The following MFAP3L variants were observed in gnomAD, a reference collection of about 807,000 sequenced individuals.
MFAP3L encodes the protein microfibrillar-associated protein 3-like.
Under a neutral mutation model 20.0 loss-of-function variants are expected in MFAP3L, and 5 were observed. The ratio of observed to expected loss-of-function variants is 0.25; its 90% CI spans 0.13 to 0.53. The LOEUF (loss-of-function observed/expected upper bound fraction) is 0.53, where lower values mean the gene tolerates loss of function less well. MFAP3L is among the 20% of genes least tolerant of loss of function. MFAP3L has a pLI of 0.96. For synonymous variants in MFAP3L, 219 were observed against 213.0 expected, an observed-to-expected ratio of 1.03 and a Z score of -0.25; for missense variants, 409 against 527.5, an observed-to-expected ratio of 0.78 and a Z score of 2.20.
In MFAP3L at chr4:169,990,058, T is replaced by C. The variant is rs1264767385; in HGVS notation, c.*1320A>G. 1 of 152,254 alleles carries C rather than the reference T, an allele frequency of 6.6e-6. No individual in the cohort carries two copies. The highest frequency in any genetic ancestry group is 2.4e-5 in the African/African-American group (1 of 41,458). 9.4% of individuals were successfully genotyped at this position (152,254 alleles called of 1,614,324 possible). A position where few individuals can be genotyped will look rare whatever the true frequency, so the allele number is the denominator to read the frequency against. ...TGTGACAGTGATACCATTTCAACAG[T>C]GCTCAGAGCTCATGTCATCTGCCCC... On this transcript the variant is annotated 3_prime_UTR_variant, in exon 3 of 3. Transcript: ENST00000361618.
intron 2 of MFAP3L, among the ~76,000 whole-genome samples, chr4:170,000,963 C>T (rs1738574862): frequency 6.6e-6 from 1 of 152,062 alleles, no homozygotes; most frequent in Admixed American, 6.5e-5. Flanking sequence ...GCTCAAGTGA[C>T]CCTCCCATCT....
At chr4:169,994,411 A>G in intron 2 of MFAP3L, 1 of 985,090 alleles carries the variant, frequency 1.0e-6, no homozygotes, top group Non-Finnish European at 1.2e-6. Context: ...TGGTAATACC[A>G]ACAGCTTTTT....
chr4:170,001,900 A>G (rs1393211373), intron 2 of MFAP3L: 23 of 979,972 alleles, frequency 2.3e-5, no homozygotes, highest in African/African-American at 3.5e-5. Context: ...GCTCCTGCCA[A>G]TGACAGGAAA....
At chr4:169,996,295 A>G (rs562987526) in intron 2 of MFAP3L, among the ~76,000 whole-genome samples, 4 of 139,332 alleles carry the variant, frequency 2.9e-5, no homozygotes, top group African/African-American at 1.4e-4. Flanking sequence ...TGACATTTGT[A>G]GAAGGGCAGT....
chr4:170,017,007 C>G (rs966578738), intron 1 of MFAP3L, among the ~76,000 whole-genome samples: 3 of 152,170 alleles, frequency 2.0e-5, no homozygotes, highest in African/African-American at 7.2e-5. Flanking sequence ...ATTTATATTT[C>G]AAAATGTCGC....
chr4:170,012,479 G>A (rs1463728727), intron 1 of MFAP3L, among the ~76,000 whole-genome samples: 2 of 152,160 alleles, frequency 1.3e-5, no homozygotes, highest in Admixed American at 6.5e-5. Context: ...TCTTGGATGA[G>A]GGCCTGTCTG....
intron 1 of MFAP3L, among the ~76,000 whole-genome samples, chr4:170,012,772 T>C: frequency 6.6e-6 from 1 of 152,186 alleles, no homozygotes; most frequent in East Asian, 1.9e-4. Flanking sequence ...CACTTATTAA[T>C]TGTGTAGTGT....
In MFAP3L at chr4:170,017,989, C is replaced by G. The variant is rs143491448; in HGVS notation, c.-134+8245G>C. Among the ~76,000 whole-genome samples, 950 of 152,266 alleles carry G rather than the reference C, an allele frequency of 6.2e-3. 9 individuals carry two copies. Among genetic ancestry groups the G allele is most frequent in the African/African-American group, 0.022 (903 of 41,546 alleles). On this transcript the variant is annotated intron_variant, in intron 1 of 2. Transcript: ENST00000361618. ...AATAAACTGAAAGTACTTATGAGGC[C>G]ACTATTATCCACTTAGTACCAATTA... is the stretch of plus-strand genomic sequence containing the variant.
chr4:170,016,956 T>C lies in MFAP3L; in HGVS notation c.-134+9278A>G, dbSNP rs150605319. On this transcript the variant is annotated intron_variant, in intron 1 of 2. Transcript: ENST00000361618. ...ACGAGGCGGAGATGCCAGAAATGTA[T>C]GCTCTTGTTATTGTTGAAGTGAAAA... is the stretch of plus-strand genomic sequence containing the variant. Among the ~76,000 whole-genome samples, 327 of 152,282 alleles carry C rather than the reference T, an allele frequency of 2.1e-3. 2 individuals carry two copies. Among genetic ancestry groups the C allele is most frequent in the African/African-American group, 7.6e-3 (317 of 41,562 alleles).
Position 169,991,847 on chromosome 4 carries a change from A to G in MFAP3L, c.761T>C (p.Met254Thr). Residue 254 changes from methionine to threonine, a missense_variant, in exon 3 of 3, where the codon ATG becomes ACG. Physicochemically the swap from Met to Thr is moderately conservative, Grantham distance 81. Around this residue, in one of 3 missense-constraint regions of MFAP3L, gnomAD observed 127 missense variants for 218.1 expected, o/e 0.58. Coordinates refer to ENST00000361618, the MANE Select transcript of MFAP3L (RefSeq NM_021647.8). This position sits in a 1 kb window ranked among gnomAD's most constrained non-coding sequence, Gnocchi z 4.9. ...PPLIMNCRTIMEEIMEVVGLE... is the reference protein window; with the variant it reads ...PPLIMNCRTITEEIMEVVGLE... ...CCCAACCACCTCCATAATCTCCTCCATGATAGTCCTGCAGTTCATAATGAG... is the reference window on the plus strand; with the variant it reads ...CCCAACCACCTCCATAATCTCCTCCGTGATAGTCCTGCAGTTCATAATGAG... The G allele has an allele frequency of 1.2e-6, 2 of 1,614,018 alleles. No individual in the cohort carries two copies. The highest frequency in any genetic ancestry group is 1.7e-6 in the Non-Finnish European group (2 of 1,180,012).
intron 2 of MFAP3L, among the ~76,000 whole-genome samples, chr4:169,995,724 G>A (rs56211561): frequency 9.9e-5 from 15 of 152,268 alleles, no homozygotes; most frequent in South Asian, 2.1e-4. Flanking sequence ...CTTTACACGC[G>A]AAGTGGGGAT....
chr4:170,010,151 A>G (rs1739286260), intron 1 of MFAP3L, among the ~76,000 whole-genome samples: 1 of 152,254 alleles, frequency 6.6e-6, no homozygotes, highest in Non-Finnish European at 1.5e-5. Flanking sequence ...ACTCATTAAG[A>G]CATGAATACT....
intron 1 of MFAP3L, among the ~76,000 whole-genome samples, chr4:170,025,491 C>T (rs549868285): frequency 6.6e-6 from 1 of 152,324 alleles, no homozygotes; most frequent in East Asian, 1.9e-4. Context: ...AGATAATACA[C>T]CTACAAACCT....
At position 169,989,452 on chromosome 4, in the gene MFAP3L, T is replaced by A. The variant is rs1737503404; in HGVS notation, c.*1926A>T. ...TTGTAAAGTTTGGATGGCAAAAGTA[T>A]CCAATTTCATGGACCCATTTTTTGC... On this transcript the variant is annotated 3_prime_UTR_variant, in exon 3 of 3. Transcript: ENST00000361618. The A allele has an allele frequency of 6.6e-6, 1 of 152,212 alleles. No individual in the cohort carries two copies. Among genetic ancestry groups the A allele is most frequent in the African/African-American group, 2.4e-5 (1 of 41,450 alleles). The allele number at this position is 152,212 out of a possible 1,614,324, so 9.4% of individuals were successfully genotyped here. A position where few individuals can be genotyped will look rare whatever the true frequency, so the allele number is the denominator to read the frequency against.
chr4:170,019,514 A>T (rs1380965840), intron 1 of MFAP3L, among the ~76,000 whole-genome samples: 2 of 152,346 alleles, frequency 1.3e-5, no homozygotes, highest in African/African-American at 4.8e-5. Context: ...ACTGTACTCC[A>T]GCCTGGGCAA....
At chr4:170,017,699 T>C (rs1347498563) in intron 1 of MFAP3L, among the ~76,000 whole-genome samples, 2 of 152,236 alleles carry the variant, frequency 1.3e-5, no homozygotes, top group Admixed American at 6.5e-5. Flanking sequence ...CTTAATAATC[T>C]TCCTGACTTT....
At chr4:170,013,872 G>C (rs910873286) in intron 1 of MFAP3L, among the ~76,000 whole-genome samples, 2 of 152,146 alleles carry the variant, frequency 1.3e-5, no homozygotes, top group African/African-American at 4.8e-5. Flanking sequence ...CGTATTAATT[G>C]GGTCATTCTT....
chr4:169,988,832 C>G lies in MFAP3L; in HGVS notation c.*2546G>C, dbSNP rs1737459232. ...TGAAAATCTACATAAGCTCTCCCCA[C>G]TGCAGTCTAAAGCAGCAAAACCAAT... On this transcript the variant is annotated 3_prime_UTR_variant, in exon 3 of 3. Coordinates refer to ENST00000361618, the MANE Select transcript of MFAP3L (RefSeq NM_021647.8). 6.6e-6 allele frequency: 1 copy of G among 152,204 alleles called. No homozygotes were observed. Among genetic ancestry groups the G allele is most frequent in the Non-Finnish European group, 1.5e-5 (1 of 68,022 alleles). 9.4% of individuals were successfully genotyped at this position (152,204 alleles called of 1,614,324 possible). A position where few individuals can be genotyped will look rare whatever the true frequency, so the allele number is the denominator to read the frequency against.
At chr4:169,995,208 C>CTATT (rs1390756902) in intron 2 of MFAP3L, 2 of 152,140 alleles carry the variant, frequency 1.3e-5, no homozygotes, top group African/African-American at 4.8e-5. Context: ...TTAAAACATA[C>CTATT]TATTACCAGA....
Sources: gnomAD v4.1 joint callset for allele counts (sites outside exome capture counted in the v4.1 genomes callset) on GRCh38, gnomAD v4.1.1 for gene constraint, gnomAD v4.1.1 regional missense constraint, Gnocchi (gnomAD v3.1) non-coding constraint, MANE v1.5 for transcripts, NCBI Gene and HGNC (gene_info 2026-07-23, HGNC 2026-07-21) for gene names.